The following GALNT13 variants were observed in gnomAD, a reference collection of about 807,000 sequenced individuals.
GALNT13 encodes UDP-GalNAc:polypeptide N-acetylgalactosaminyltransferase 13.
GALNT13 carries 28 observed loss-of-function variants against 64.2 expected under a neutral mutation model. The observed-to-expected ratio is 0.44, with a 90% CI of 0.32 to 0.60. The LOEUF is 0.60. Ranked by LOEUF, GALNT13 falls within the 20% of genes least tolerant of loss-of-function variation. GALNT13 has a pLI of 0.05. For synonymous variants in GALNT13, 214 were observed against 224.6 expected (o/e 0.95, Z 0.42); for missense variants, 577 against 669.8 (o/e 0.86, Z 1.53).
intron 9 of GALNT13, among the ~76,000 whole-genome samples, chr2:154,386,190 T>C (rs892522896): frequency 6.6e-6 from 1 of 151,800 alleles, no homozygotes; most frequent in Non-Finnish European, 1.5e-5. Flanking sequence ...TTGAAATCAG[T>C]GATGCAGCTG....
the GALNT13 span, among the ~76,000 whole-genome samples, chr2:153,612,637 A>AT: frequency 1.3e-5 from 2 of 152,066 alleles, no homozygotes; most frequent in Non-Finnish European, 2.9e-5. Flanking sequence ...GAAAACAAAG[A>AT]AAAAAAGGCA....
chr2:153,689,286 A>G, the GALNT13 span, among the ~76,000 whole-genome samples: 8 of 152,146 alleles, frequency 5.3e-5, no homozygotes, highest in Admixed American at 2.6e-4. Flanking sequence ...TATTTTCCAC[A>G]TGATATATAA....
chr2:154,280,738 A>G (rs1691918731), intron 8 of GALNT13, among the ~76,000 whole-genome samples: 1 of 152,146 alleles, frequency 6.6e-6, no homozygotes, highest in African/African-American at 2.4e-5. Flanking sequence ...TTTGGCATGA[A>G]TTCTAGGGCA....
At chr2:154,146,579 G>A (rs1683615109) in intron 4 of GALNT13, among the ~76,000 whole-genome samples, 1 of 152,000 alleles carries the variant, frequency 6.6e-6, no homozygotes, top group Non-Finnish European at 1.5e-5. Context: ...CTTTTGAGCT[G>A]AAGGCAATTA....
intron 3 of GALNT13, among the ~76,000 whole-genome samples, chr2:154,074,469 T>C (rs954873815): frequency 1.3e-5 from 2 of 151,948 alleles, no homozygotes; most frequent in East Asian, 3.9e-4. Flanking sequence ...GTAGATACTA[T>C]TACCATAATT....
At chr2:153,367,364 C>A in the GALNT13 span, among the ~76,000 whole-genome samples, 40,406 of 151,908 alleles carry the variant, frequency 0.27, 6,593 homozygotes, top group Non-Finnish European at 0.38. Context: ...AGACTGTGAT[C>A]AACTAAAAAT....
rs183636924 is a variant in GALNT13, at chr2:154,203,185, A to G, written c.312-38845A>G. On this transcript the variant is annotated intron_variant, in intron 4 of 12. Coordinates refer to ENST00000392825, the MANE Select transcript of GALNT13 (RefSeq NM_052917.4). ...TTAATAAAATTCATTTTGAGCACTC[A>G]TAACCAGTTAGCCATTTTCGCCTTG... is the stretch of plus-strand genomic sequence containing the variant. Among the ~76,000 whole-genome samples the G allele has an allele frequency of 4.3e-4, 65 of 152,308 alleles. 1 individual carries two copies. The highest frequency in any genetic ancestry group is 7.6e-4 in the Non-Finnish European group (52 of 68,010).
intron 3 of GALNT13, among the ~76,000 whole-genome samples, chr2:153,979,672 ACAT>A (rs1212307337): frequency 6.6e-6 from 1 of 152,204 alleles, no homozygotes; most frequent in Non-Finnish European, 1.5e-5. Context: ...TTTGTATATA[ACAT>A]CATATGCACA....
intron 12 of GALNT13, among the ~76,000 whole-genome samples, chr2:154,447,493 A>G (rs1214524219): frequency 1.3e-5 from 2 of 152,108 alleles, no homozygotes; most frequent in East Asian, 3.9e-4. Context: ...TAAAGAGTGC[A>G]AATAAGAACA....
Position 154,438,664 on chromosome 2 carries a change from C to G in GALNT13, c.1468C>G (p.Pro490Ala). Residue 490 changes from proline to alanine, a missense_variant, in exon 12 of 13, where the codon CCT becomes GCT. By Grantham distance (27) the Pro-to-Ala change is conservative (BLOSUM62 -1). Transcript: ENST00000392825. The part of the protein sequence containing the change: ...LCLDVSRLNG[P>A]VIMLKCHHMR... ...CTTGGATGTTTCTAGACTCAATGGA[C>G]CTGTAATCATGTTAAAATGCCACCA... The G allele has an allele frequency of 1.2e-6, 2 of 1,610,936 alleles. No individual in the cohort carries two copies. Among genetic ancestry groups the G allele is most frequent in the East Asian group, 4.5e-5 (2 of 44,786 alleles).
chr2:154,394,014 C>A (rs557969380), intron 9 of GALNT13, among the ~76,000 whole-genome samples: 1 of 120,560 alleles, frequency 8.3e-6, no homozygotes, highest in Non-Finnish European at 1.6e-5. Context: ...GGAGGCGGAG[C>A]TTGCAGTGAG....
the GALNT13 span, among the ~76,000 whole-genome samples, chr2:153,379,341 T>G: frequency 2.0e-5 from 3 of 152,128 alleles, no homozygotes; most frequent in Non-Finnish European, 4.4e-5. Context: ...CTACTGTGCT[T>G]ATTTTAAAGA....
the GALNT13 span, among the ~76,000 whole-genome samples, chr2:153,335,445 G>A: frequency 6.6e-6 from 1 of 152,174 alleles, no homozygotes; most frequent in Non-Finnish European, 1.5e-5. Flanking sequence ...GATCTCAGAT[G>A]GAGATGAGGA....
At chr2:154,092,816 A>T (rs1372832907) in intron 3 of GALNT13, among the ~76,000 whole-genome samples, 1 of 151,878 alleles carries the variant, frequency 6.6e-6, no homozygotes, top group Non-Finnish European at 1.5e-5. Context: ...GTGAAGTAAG[A>T]GGCATGAAGT....
chr2:153,412,550 T>A, the GALNT13 span, among the ~76,000 whole-genome samples: 1 of 152,160 alleles, frequency 6.6e-6, no homozygotes, highest in Non-Finnish European at 1.5e-5. Flanking sequence ...CAGAAGCCAG[T>A]GGCAAGACCG....
the GALNT13 span, among the ~76,000 whole-genome samples, chr2:153,599,679 G>A: frequency 1.3e-5 from 2 of 152,040 alleles, no homozygotes; most frequent in Middle Eastern, 3.4e-3. Flanking sequence ...AACTCCCCAA[G>A]AGACACCTGG....
At chr2:153,647,907 C>G in the GALNT13 span, among the ~76,000 whole-genome samples, 2 of 152,100 alleles carry the variant, frequency 1.3e-5, no homozygotes, top group Non-Finnish European at 2.9e-5. Context: ...CGTGATGTCT[C>G]CAGCTTTGTT....
chr2:153,495,829 A>G, the GALNT13 span, among the ~76,000 whole-genome samples: 38 of 152,332 alleles, frequency 2.5e-4, no homozygotes, highest in African/African-American at 8.2e-4. Context: ...TTTTCTGTGT[A>G]ATACACATTG....
chr2:153,785,990 C>T, the GALNT13 span, among the ~76,000 whole-genome samples: 1 of 151,852 alleles, frequency 6.6e-6, no homozygotes, highest in African/African-American at 2.4e-5. Context: ...ACGAGCAGGG[C>T]CCCAAGCTTA....
Sources: allele counts gnomAD v4.1 joint callset (sites outside exome capture counted in the v4.1 genomes callset), GRCh38; gene constraint gnomAD v4.1.1; transcripts MANE v1.5; gene names NCBI Gene and HGNC (gene_info 2026-07-23, HGNC 2026-07-21).